HGF: variants seen among roughly 807,000 people sequenced by gnomAD.
HGF encodes fibroblast-derived tumor cytotoxic factor.
A neutral mutation model predicts 111.6 loss-of-function variants in HGF; 39 were observed. The observed-to-expected ratio is 0.35, with a 90% CI of 0.27 to 0.46. The LOEUF is 0.46. Among genes scored for constraint, HGF ranks in the 20% least tolerant of loss-of-function variants. The probability of loss-of-function intolerance (pLI) is 1.00; values close to 1 mark genes in which losing one functional copy is unlikely to be tolerated. For missense variants in HGF, 735 were observed against 910.5 expected (o/e 0.81, Z 2.48); for synonymous variants, 285 against 294.8 (o/e 0.97, Z 0.34).
At chr7:81,737,707 T>C (rs1158515608) in intron 7 of HGF, among the ~76,000 whole-genome samples, 1 of 152,154 alleles carries the variant, frequency 6.6e-6, no homozygotes, top group Non-Finnish European at 1.5e-5. Context: ...TATTTTCCAT[T>C]AAAATATATT....
intron 11 of HGF, 133 bp from the exon 12 acceptor site, chr7:81,711,652 G>T (rs915946069): frequency 2.0e-6 from 1 of 499,346 alleles, no homozygotes; most frequent in Non-Finnish European, 3.6e-6. Context: ...TTGTTGTTTT[G>T]TTTTGTTTTG....
At chr7:81,715,815 T>C (rs1289932531) in intron 11 of HGF, among the ~76,000 whole-genome samples, 1 of 152,196 alleles carries the variant, frequency 6.6e-6, no homozygotes, top group African/African-American at 2.4e-5. Flanking sequence ...TTTAATCTCT[T>C]TTTAGAGTAG....
intron 1 of HGF, among the ~76,000 whole-genome samples, chr7:81,768,939 T>C (rs530681536): frequency 6.6e-6 from 1 of 152,286 alleles, no homozygotes; most frequent in East Asian, 1.9e-4. Flanking sequence ...CTGATAAATG[T>C]CATATTTACC....
chr7:81,767,179 A>G (rs916841066), intron 1 of HGF, among the ~76,000 whole-genome samples: 3 of 152,178 alleles, frequency 2.0e-5, no homozygotes, highest in Non-Finnish European at 4.4e-5. Context: ...ACTCTCAACC[A>G]TAGTACAAAG....
intron 4 of HGF, among the ~76,000 whole-genome samples, chr7:81,753,375 T>C (rs1251115861): frequency 6.6e-6 from 1 of 152,004 alleles, no homozygotes; most frequent in African/African-American, 2.4e-5. Context: ...AATATTCAGC[T>C]TGTGTTTTGT....
chr7:81,743,630 A>G lies in HGF; in HGVS notation c.747-159T>C, dbSNP rs1373920641. Among the ~76,000 whole-genome samples the G allele has an allele frequency of 2.0e-5, 3 of 152,116 alleles. No individual in the cohort carries two copies. The East Asian group carries it at 5.8e-4, about 29-fold the overall frequency. ...TTACGAGGACTGCTGATCACTGACTATTGAATCTACTAATTTATATATCCC... is the reference window on the plus strand; with the variant it reads ...TTACGAGGACTGCTGATCACTGACTGTTGAATCTACTAATTTATATATCCC... On this transcript the variant is annotated intron_variant, in intron 6 of 17. Transcript: ENST00000222390.
chr7:81,708,524 C>CTTTTTTTTTTTTTTTTTTTTTTTTTTTT (rs3081099), intron 13 of HGF, among the ~76,000 whole-genome samples: 3 of 72,468 alleles, frequency 4.1e-5, no homozygotes, highest in Non-Finnish European at 7.2e-5. Flanking sequence ...TTCCTTCCTT[C>CTTTTTTTTTTTTTTTTTTTTTTTTTTTT]TTTTTTTTTT....
chr7:81,745,749 A>T (rs915220190), intron 5 of HGF, among the ~76,000 whole-genome samples: 8 of 152,372 alleles, frequency 5.3e-5, no homozygotes, highest in African/African-American at 1.9e-4. Context: ...GGCTTAGGAT[A>T]GAAGATGACC....
At chr7:81,716,286 C>T (rs558958446) in intron 11 of HGF, among the ~76,000 whole-genome samples, 7 of 152,124 alleles carry the variant, frequency 4.6e-5, no homozygotes, top group African/African-American at 9.6e-5. Flanking sequence ...TGTGGGTGTG[C>T]GGAGGCCCAA....
chr7:81,715,149 T>G (rs186670415), intron 11 of HGF, among the ~76,000 whole-genome samples: 24 of 152,224 alleles, frequency 1.6e-4, no homozygotes, highest in Admixed American at 1.4e-3. Flanking sequence ...CATGCATATG[T>G]GCTAGATAGA....
At chr7:81,705,789 C>G (rs774951040) in intron 15 of HGF, 36 bp from the exon 16 acceptor site, 1 of 1,195,494 alleles carries the variant, frequency 8.4e-7, no homozygotes, top group South Asian at 1.2e-5. Context: ...GTACTCTCAA[C>G]TGGATTCAAC....
intron 7 of HGF, among the ~76,000 whole-genome samples, chr7:81,733,770 C>T (rs1787740252): frequency 1.3e-5 from 2 of 151,982 alleles, no homozygotes; most frequent in African/African-American, 4.8e-5. Context: ...CTGATGAGGA[C>T]CATGATGAAT....
chr7:81,720,796 CTTG>C lies in HGF; in HGVS notation c.1217_1219del (p.Thr406del). 1 of 1,613,428 alleles carries C rather than the reference CTTG, an allele frequency of 6.2e-7. No individual in the cohort carries two copies. Among genetic ancestry groups the C allele is most frequent in the Non-Finnish European group, 8.5e-7 (1 of 1,179,396 alleles). ...CCACATTGAACATGTTAGTCCAGAT[CTTG>C]TTTGGGATAAGTTGCCCATATAATT... is the stretch of plus-strand genomic sequence containing the variant. On this transcript the variant is annotated inframe_deletion, in exon 10 of 18. Coordinates refer to ENST00000222390, the MANE Select transcript of HGF (RefSeq NM_000601.6).
At chr7:81,721,079 A>G (rs1789845212) in intron 9 of HGF, among the ~76,000 whole-genome samples, 1 of 152,038 alleles carries the variant, frequency 6.6e-6, no homozygotes, top group South Asian at 2.1e-4. Context: ...CCCTGTCTCT[A>G]CTTTAAAAAT....
intron 1 of HGF, among the ~76,000 whole-genome samples, chr7:81,763,518 C>T (rs1336085251): frequency 6.6e-6 from 1 of 152,112 alleles, no homozygotes; most frequent in Non-Finnish European, 1.5e-5. Flanking sequence ...AAAACTTCAT[C>T]CTTTAATGCA....
chr7:81,704,414 G>C (rs1260236507), intron 17 of HGF, among the ~76,000 whole-genome samples: 1 of 151,526 alleles, frequency 6.6e-6, no homozygotes, highest in Non-Finnish European at 1.5e-5. Flanking sequence ...ATTTCTCCTA[G>C]TAAATGTTCC....
Position 81,762,833 on chromosome 7 carries a change from T to C in HGF, c.128A>G (p.Lys43Arg), listed in dbSNP as rs763623534. 6 of 1,594,640 alleles carry C rather than the reference T, an allele frequency of 3.8e-6. No individual in the cohort carries two copies. Among genetic ancestry groups the C allele is most frequent in the Non-Finnish European group, 4.3e-6 (5 of 1,162,466 alleles). ...RKRRNTIHEFKKSAKTTLIKI... is the reference protein window; with the variant it reads ...RKRRNTIHEFRKSAKTTLIKI... ...GATTAGGGTAGTCTTTGCTGATTTT[T>C]TGAATTCATGAATTGTATTTCTTCT... is the stretch of plus-strand genomic sequence containing the variant. Residue 43 changes from lysine (K) to arginine (R), a missense_variant, in exon 2 of 18, where the codon AAA becomes AGA. Physicochemically the swap from Lys to Arg is conservative, Grantham distance 26. Coordinates refer to ENST00000222390, the MANE Select transcript of HGF (RefSeq NM_000601.6).
intron 2 of HGF, among the ~76,000 whole-genome samples, chr7:81,761,526 T>C (rs1392079876): frequency 6.7e-6 from 1 of 148,772 alleles, no homozygotes; most frequent in Non-Finnish European, 1.5e-5. Flanking sequence ...TAGAATTTAA[T>C]ATGTACAGGA....
rs1460309169 is a variant in HGF, at chr7:81,729,571, AC to A, written c.1040+33del. The A allele has an allele frequency of 2.0e-6, 3 of 1,530,918 alleles. No homozygotes were observed. The African/African-American group carries it at 4.1e-5, about 21-fold the overall frequency. The allele number at this position is 1,530,918 out of a possible 1,614,324, so 94.8% of individuals were successfully genotyped here. A position where few individuals can be genotyped will look rare whatever the true frequency, so the allele number is the denominator to read the frequency against. ...CTCTACCTCATTTTCCCCAGGGCCT[AC>A]TGAAATGTATAACATTTGCCTACTT... is the stretch of plus-strand genomic sequence containing the variant. On this transcript the variant is annotated intron_variant, in intron 8 of 17. Transcript: ENST00000222390.
Sources: allele counts gnomAD v4.1 joint callset (sites outside exome capture counted in the v4.1 genomes callset), GRCh38; gene constraint gnomAD v4.1.1; transcripts MANE v1.5; gene names NCBI Gene and HGNC (gene_info 2026-07-23, HGNC 2026-07-21).